The following MYH7 variants were observed in gnomAD, a reference collection of about 807,000 sequenced individuals.
The protein encoded by MYH7 is myosin-7.
A neutral mutation model predicts 225.4 loss-of-function variants in MYH7; 129 were observed. The ratio of observed to expected loss-of-function variants is 0.57; its 90% confidence interval spans 0.50 to 0.66. The LOEUF (loss-of-function observed/expected upper bound fraction) is 0.66. Among genes scored for constraint, MYH7 ranks in the 30% least tolerant of loss-of-function variants. The pLI is 0.00. For synonymous variants in MYH7, 971 were observed against 1,007.6 expected (o/e 0.96, Z 0.69); for missense variants, 1,649 against 2,517.0 (o/e 0.66, Z 7.38).
At position 23,416,420 on chromosome 14, in the gene MYH7, G is replaced by A. The variant is rs1219318099; in HGVS notation, c.4645-108C>T. 6.4e-6 allele frequency: 8 copies of A among 1,246,108 alleles called. No homozygotes were observed. The East Asian group carries it at 1.2e-4, about 18-fold the overall frequency. 77.2% of individuals were successfully genotyped at this position (1,246,108 alleles called of 1,614,324 possible). ...CGAAGTGACTTCAAGAGTGGTGTAA[G>A]TGGTTCAAAGAAGCAGAAGGTGGAG... On this transcript the variant is annotated intron_variant, in intron 33 of 39. Coordinates refer to ENST00000355349, the MANE Select transcript of MYH7 (RefSeq NM_000257.4).
intron 37 of MYH7, 26 bp from the exon 38 acceptor site, chr14:23,414,128 G>A (rs779038045): frequency 1.3e-6 from 2 of 1,599,512 alleles, no homozygotes; most frequent in African/African-American, 1.3e-5. Context: ...TAGGCAGGGG[G>A]TGAAGATGGC....
In MYH7 at chr14:23,429,848, G is replaced by C. The variant is rs778136999; in HGVS notation, c.1065C>G (p.Ala355=). The C allele has an allele frequency of 6.2e-7, 1 of 1,614,082 alleles. No homozygotes were observed. Among genetic ancestry groups the C allele is most frequent in the Admixed American group, 1.7e-5 (1 of 60,022 alleles). Residue 355 remains alanine (A), a synonymous_variant, in exon 12 of 40, where the codon GCC becomes GCG. Transcript: ENST00000355349. The part of the protein sequence containing the change: ...EKNSMYKLTG[A]IMHFGNMKFK... ...ACTTCATGTTTCCAAAGTGCATGATGGCGCCTGTCAGCTTATACATGGAGT... is the reference window on the plus strand; with the variant it reads ...ACTTCATGTTTCCAAAGTGCATGATCGCGCCTGTCAGCTTATACATGGAGT...
chr14:23,413,902 G>A lies in MYH7; in HGVS notation c.5656-9C>T, dbSNP rs781212482. ...GTGTTGGCTTGCTCCTCCTGCGGGA[G>A]GTGGGAGCATGAGGTGAGAGGGGGC... On this transcript the variant is annotated splice_polypyrimidine_tract_variant and intron_variant, in intron 38 of 39. Transcript: ENST00000355349. The A allele has an allele frequency of 3.0e-5, 48 of 1,614,126 alleles. No individual in the cohort carries two copies. The Admixed American group carries it at 6.2e-4, about 21-fold the overall frequency.
At chr14:23,421,656 T>G in intron 25 of MYH7, 1 of 738,938 alleles carries the variant, frequency 1.4e-6, no homozygotes. Context: ...AAATATGTTC[T>G]GCAAGCTCAC....
In MYH7 at chr14:23,427,283, G is replaced by A. The variant is rs369935820; in HGVS notation, c.1913C>T (p.Ala638Val). ...AGTCTGAAAGGACGAGCCTTTCTTG[G>A]CCTTGCCTTTGCCCTTCTCAATAGC... ...DAPIEKGKGK[A>V]KKGSSFQTVS... Residue 638 changes from alanine (A) to valine (V), a missense_variant, in exon 17 of 40, where the codon GCC (alanine) becomes GTC (valine). Physicochemically the swap from Ala to Val is moderately conservative, Grantham distance 64. Transcript: ENST00000355349. 1.2e-5 allele frequency: 19 copies of A among 1,614,058 alleles called. No homozygotes were observed. The highest frequency in any genetic ancestry group is 1.6e-5 in the Non-Finnish European group (19 of 1,180,052).
At position 23,417,530 on chromosome 14, in the gene MYH7, C is replaced by T. The variant is rs727503243; in HGVS notation, c.4326G>A (p.Leu1442=). Residue 1442 remains leucine, a synonymous_variant, in exon 31 of 40, where the codon CTG becomes CTA. Coordinates refer to ENST00000355349, the MANE Select transcript of MYH7 (RefSeq NM_000257.4). ...VERSNAAAAA[L]DKKQRNFDKI... ...TGTCGAAGTTCCTCTGCTTCTTGTC[C>T]AGGGCTGCAGCAGCAGCATTGGAGC... The T allele has an allele frequency of 3.7e-6, 6 of 1,612,222 alleles. No individual in the cohort carries two copies. The highest frequency in any genetic ancestry group is 1.7e-5 in the Admixed American group (1 of 60,016).
In MYH7 at chr14:23,416,150, C is replaced by T. The variant is rs730880809; in HGVS notation, c.4807G>A (p.Ala1603Thr). The T allele has an allele frequency of 1.8e-5, 29 of 1,614,074 alleles. No individual in the cohort carries two copies. The highest frequency in any genetic ancestry group is 3.3e-5 in the South Asian group (3 of 91,086). The change falls in exon 34 of 40, where the codon GCA (alanine) becomes ACA (threonine). Residue 1603 changes from alanine (A) to threonine (T), a missense_variant. Transcript: ENST00000355349. Reference protein sequence around the residue: ...VVDSLQTSLDAETRSRNEALR... With the variant: ...VVDSLQTSLDTETRSRNEALR... Reference sequence around the variant, plus strand: ...GCCTCGTTGCGGCTGCGTGTCTCTGCGTCCAGGGAGGTCTGCAGCGAGTCC... The same window carrying T: ...GCCTCGTTGCGGCTGCGTGTCTCTGTGTCCAGGGAGGTCTGCAGCGAGTCC...
rs397516239 is a variant in MYH7, at chr14:23,415,671, C to T, written c.5115G>A (p.Glu1705=). 44 of 1,613,974 alleles carry T rather than the reference C, an allele frequency of 2.7e-5. No individual in the cohort carries two copies. Among genetic ancestry groups the T allele is most frequent in the Non-Finnish European group, 3.7e-5 (44 of 1,180,056 alleles). Residue 1705 remains glutamate, a synonymous_variant, in exon 35 of 40, where the codon GAG becomes GAA. Transcript: ENST00000355349. The surrounding 1 kb of genome is among the most constrained non-coding windows in gnomAD (Gnocchi z 6.3). ...GCACCCGCTCACTAGTCTCAATCAG[C>T]TCCTGCTCCGCCAGCTTCCGGGACC... ...TERSRKLAEQ[E]LIETSERVQL... is the part of the protein sequence containing the mutation.
Position 23,419,865 on chromosome 14 carries a change from C to G in MYH7, c.3706G>C (p.Glu1236Gln). 9.9e-6 allele frequency: 16 copies of G among 1,613,758 alleles called. No homozygotes were observed. The highest frequency in any genetic ancestry group is 1.4e-5 in the Non-Finnish European group (16 of 1,179,832). The change falls in exon 27 of 40, where the codon GAG becomes CAG. Residue 1236 changes from glutamate (E) to glutamine (Q), a missense_variant. Physicochemically the swap from Glu to Gln is conservative, Grantham distance 29. Around this residue, in one of 12 missense-constraint regions of MYH7, gnomAD observed 106 missense variants for 198.8 expected, o/e 0.53. Transcript: ENST00000355349. ...CCTGCCTTGGCCTTGATGATCTGCT[C>G]CATGTTGGAGGTGACGTCATCCAGC... is the stretch of plus-strand genomic sequence containing the variant. Reference protein sequence around the residue: ...LELDDVTSNMEQIIKAKANLE... With the variant: ...LELDDVTSNMQQIIKAKANLE...
rs1458942752 is a variant in MYH7, at chr14:23,424,165, A to G, written c.2680-16T>C. On this transcript the variant is annotated splice_polypyrimidine_tract_variant and intron_variant, in intron 22 of 39. Transcript: ENST00000355349. ...TGTCTTGTTCCTGAAGGTGAGGAACAGAGGGGAGGCTGTTCAGGGGGTAAG... is the reference window on the plus strand; with the variant it reads ...TGTCTTGTTCCTGAAGGTGAGGAACGGAGGGGAGGCTGTTCAGGGGGTAAG... 1.2e-6 allele frequency: 2 copies of G among 1,614,078 alleles called. No individual in the cohort carries two copies. The highest frequency in any genetic ancestry group is 1.7e-6 in the Non-Finnish European group (2 of 1,180,036).
intron 6 of MYH7, among the ~76,000 whole-genome samples, chr14:23,432,117 G>A (rs1425264250): frequency 6.6e-6 from 1 of 152,238 alleles, no homozygotes; most frequent in Admixed American, 6.5e-5. Context: ...AAAGTAAACA[G>A]GGGAGATGGG....
intron 31 of MYH7, 37 bp downstream of exon 31, chr14:23,417,466 C>A (rs1168257096): frequency 2.5e-6 from 4 of 1,612,244 alleles, no homozygotes; most frequent in Middle Eastern, 2.2e-4. Flanking sequence ...TGCCCCCTTG[C>A]CCTGCATGCT....
At chr14:23,419,665 G>A (rs1251795155) in intron 27 of MYH7, 56 bp from the exon 28 acceptor site, 2 of 1,613,192 alleles carry the variant, frequency 1.2e-6, no homozygotes, top group Non-Finnish European at 1.7e-6. Context: ...GAATGAAGGG[G>A]TGTAAGAGGT....
At chr14:23,434,844 C>G (rs1893082232) in intron 1 of MYH7, among the ~76,000 whole-genome samples, 1 of 152,098 alleles carries the variant, frequency 6.6e-6, no homozygotes, top group African/African-American at 2.4e-5. Context: ...ATCACATAGC[C>G]AAACACCCTC....
Position 23,425,061 on chromosome 14 carries a change from G to C in MYH7, c.2424-37C>G, listed in dbSNP as rs750828519. ...CATTGAAAGGAGTGCTGAGCCTCCT[G>C]CCTCCTTCCTACCTGAGGTCCTGAA... On this transcript the variant is annotated intron_variant, in intron 21 of 39. Coordinates refer to ENST00000355349, the MANE Select transcript of MYH7 (RefSeq NM_000257.4). This position sits in a 1 kb window ranked among gnomAD's most constrained non-coding sequence, Gnocchi z 4.6. 2 of 1,613,784 alleles carry C rather than the reference G, an allele frequency of 1.2e-6. No homozygotes were observed. The highest frequency in any genetic ancestry group is 2.7e-5 in the African/African-American group (2 of 74,912).
chr14:23,434,836 C>T (rs1037378762), intron 1 of MYH7, among the ~76,000 whole-genome samples: 3 of 152,136 alleles, frequency 2.0e-5, no homozygotes, highest in Admixed American at 2.0e-4. Context: ...ACACACCCAT[C>T]ACATAGCCAA....
At chr14:23,419,322 A>C in intron 28 of MYH7, 27 bp from the exon 29 acceptor site, 1 of 1,613,144 alleles carries the variant, frequency 6.2e-7, no homozygotes, top group Non-Finnish European at 8.5e-7. Context: ...CTAGATCAGC[A>C]CTCCTCTCTA....
In MYH7 at chr14:23,419,298, G is replaced by A. The variant is rs111467750; in HGVS notation, c.3854-3C>T. 7 of 1,614,066 alleles carry A rather than the reference G, an allele frequency of 4.3e-6. No homozygotes were observed. Among genetic ancestry groups the A allele is most frequent in the Non-Finnish European group, 5.9e-6 (7 of 1,179,978 alleles). ...ATCCAGCTGCCGGGACAGCTCACCT[G>A]GGGAAGCACCATTCTAGATCAGCAC... On this transcript the variant is annotated splice_polypyrimidine_tract_variant and splice_region_variant and intron_variant, in intron 28 of 39. Coordinates refer to ENST00000355349, the MANE Select transcript of MYH7 (RefSeq NM_000257.4).
In MYH7 at chr14:23,414,967, C is replaced by T. The variant is rs753220044; in HGVS notation, c.5559+28G>A. On this transcript the variant is annotated intron_variant, in intron 37 of 39. Transcript: ENST00000355349. The stretch of plus-strand genomic sequence containing the variant: ...TGTCACTGTGGCTATGGTGCCAGGG[C>T]TCTGCCTGGAGTCACCGCCCGTCGC... 2.7e-5 allele frequency: 44 copies of T among 1,603,066 alleles called. No individual in the cohort carries two copies. The South Asian group carries it at 4.0e-4, about 14-fold the overall frequency.
Sources: gnomAD v4.1 joint callset for allele counts (sites outside exome capture counted in the v4.1 genomes callset) on GRCh38, gnomAD v4.1.1 for gene constraint, gnomAD v4.1.1 regional missense constraint, Gnocchi (gnomAD v3.1) non-coding constraint, MANE v1.5 for transcripts, NCBI Gene and HGNC (gene_info 2026-07-23, HGNC 2026-07-21) for gene names.